Variants in MYH15 observed in about 807,000 individuals in gnomAD.
MYH15 encodes myosin-15.
A neutral mutation model predicts 240.5 loss-of-function variants in MYH15; 227 were observed. That is an observed-to-expected ratio of 0.94 (90% CI 0.85 to 1.05). The LOEUF (loss-of-function observed/expected upper bound fraction) is 1.05, where lower values mean the gene tolerates loss of function less well. Among genes scored for constraint, MYH15 ranks in the 50% least tolerant of loss-of-function variants. The pLI, the probability that MYH15 is intolerant of heterozygous loss-of-function variation, is 0.00. For synonymous variants in MYH15, 785 were observed against 796.7 expected (o/e 0.99, Z 0.25); for missense variants, 2,217 against 2,247.5 (o/e 0.99, Z 0.27).
chr3:108,380,716 C>T lies in MYH15; in HGVS notation c.*829G>A, dbSNP rs576566119. 2.0e-5 allele frequency: 3 copies of T among 152,408 alleles called. No individual in the cohort carries two copies. The highest frequency in any genetic ancestry group is 2.9e-5 in the Non-Finnish European group (2 of 68,142). 9.4% of individuals were successfully genotyped at this position (152,408 alleles called of 1,614,324 possible). ...CTGTCTCTGGTCTCTTCTAGCTCCCCTTTTTGGCCTGGAGTCATATTTTCA... is the reference window on the plus strand; with the variant it reads ...CTGTCTCTGGTCTCTTCTAGCTCCCTTTTTTGGCCTGGAGTCATATTTTCA... On this transcript the variant is annotated 3_prime_UTR_variant, in exon 41 of 41. Coordinates refer to ENST00000693548, the MANE Select transcript of MYH15 (RefSeq NM_014981.3).
intron 1 of MYH15, chr3:108,529,174 A>G (rs1427030667): frequency 4.8e-6 from 6 of 1,255,680 alleles, no homozygotes; most frequent in African/African-American, 1.5e-5. Flanking sequence ...GCTGATTAAG[A>G]CCATCAAGAA....
At chr3:108,513,168 A>G (rs2083533892), upstream of MYH15, among the ~76,000 whole-genome samples, 1 of 152,186 alleles carries the variant, frequency 6.6e-6, no homozygotes, top group Non-Finnish European at 1.5e-5. Context: ...CAGCAAAAGA[A>G]TCAGGAAGCT....
intron 37 of MYH15, 98 bp downstream of exon 37, chr3:108,391,662 G>C (rs1029212295): frequency 1.6e-6 from 2 of 1,243,448 alleles, no homozygotes; most frequent in Non-Finnish European, 2.3e-6. Context: ...AAGTGATAAA[G>C]GGTATGTGTG....
At chr3:108,545,058 T>C in the MYH15 span, among the ~76,000 whole-genome samples, 1 of 152,236 alleles carries the variant, frequency 6.6e-6, no homozygotes, top group East Asian at 1.9e-4. Context: ...ACAATGAATT[T>C]TGTAGGTACA....
At position 108,384,749 on chromosome 3, in the gene MYH15, G is replaced by A; in HGVS notation, c.5569C>T (p.Gln1857Ter). ...AGCTGAAGTTTATCCATCTGAGTTT[G>A]CATCCTGCTCAGATTCTTCTTGTCT... ...EEDKKNLSRM[Q>*]TQMDKLQLKV... The change falls in exon 39 of 41, where the codon CAA becomes TAA. Residue 1857 changes from glutamine (Q) to a stop codon, truncating the protein, a stop_gained. Coordinates refer to ENST00000693548, the MANE Select transcript of MYH15 (RefSeq NM_014981.3). LOFTEE classifies it high-confidence loss of function. 1 of 1,613,750 alleles carries A rather than the reference G, an allele frequency of 6.2e-7. No homozygotes were observed. Among genetic ancestry groups the A allele is most frequent in the African/African-American group, 1.3e-5 (1 of 75,002 alleles).
chr3:108,450,460 G>A (rs2082962858), intron 21 of MYH15, among the ~76,000 whole-genome samples: 1 of 152,114 alleles, frequency 6.6e-6, no homozygotes, highest in African/African-American at 2.4e-5. Context: ...GACAAATACA[G>A]CATAATCTCA....
chr3:108,457,927 A>G (rs146705906), intron 18 of MYH15, among the ~76,000 whole-genome samples: 2,314 of 152,232 alleles, frequency 0.015, 55 homozygotes, highest in African/African-American at 0.048. Flanking sequence ...CCAGCTACAC[A>G]GGAGGCTGAG....
intron 16 of MYH15, among the ~76,000 whole-genome samples, chr3:108,461,271 T>C (rs1277226281): frequency 6.6e-6 from 1 of 152,198 alleles, no homozygotes; most frequent in East Asian, 1.9e-4. Context: ...CCCAGGTCTC[T>C]CAGTGAAACA....
upstream of MYH15, among the ~76,000 whole-genome samples, chr3:108,514,163 G>A (rs147994076): frequency 6.6e-6 from 1 of 152,176 alleles, no homozygotes; most frequent in Non-Finnish European, 1.5e-5. Context: ...GCTGAGACAA[G>A]TCACGAGCCC....
At chr3:108,446,540 A>G (rs747304101) in intron 21 of MYH15, among the ~76,000 whole-genome samples, 1 of 152,236 alleles carries the variant, frequency 6.6e-6, no homozygotes. Flanking sequence ...AGGATCATGA[A>G]TAATCAAAAA....
At chr3:108,487,831 T>C (rs930994536) in intron 9 of MYH15, among the ~76,000 whole-genome samples, 4 of 152,212 alleles carry the variant, frequency 2.6e-5, no homozygotes, top group East Asian at 3.8e-4. Context: ...ATTTGTTTTA[T>C]AAAACTTTAA....
chr3:108,461,356 G>T (rs1366663641), intron 16 of MYH15, among the ~76,000 whole-genome samples: 1 of 152,022 alleles, frequency 6.6e-6, no homozygotes, highest in Non-Finnish European at 1.5e-5. Context: ...TTTTTAAAAA[G>T]AATTATAACC....
At chr3:108,469,058 T>C (rs1380725825) in intron 14 of MYH15, among the ~76,000 whole-genome samples, 3 of 152,210 alleles carry the variant, frequency 2.0e-5, no homozygotes, top group Non-Finnish European at 4.4e-5. Flanking sequence ...AGTTCACTTG[T>C]TATAAAATAA....
intron 25 of MYH15, among the ~76,000 whole-genome samples, chr3:108,431,654 G>C (rs893554359): frequency 6.6e-6 from 1 of 152,208 alleles, no homozygotes; most frequent in Admixed American, 6.5e-5. Flanking sequence ...GGTACCAGTA[G>C]AGTGGGGTGC....
intron 28 of MYH15, among the ~76,000 whole-genome samples, chr3:108,419,835 T>G (rs1283271886): frequency 6.6e-6 from 1 of 151,876 alleles, no homozygotes; most frequent in African/African-American, 2.4e-5. Flanking sequence ...ATTCTCTTTT[T>G]AAAACTGTGT....
chr3:108,485,622 T>C (rs1034919535), intron 10 of MYH15, among the ~76,000 whole-genome samples: 1 of 152,148 alleles, frequency 6.6e-6, no homozygotes, highest in Admixed American at 6.5e-5. Flanking sequence ...CTGACTTTAT[T>C]CCAGAGGAGA....
intron 25 of MYH15, among the ~76,000 whole-genome samples, chr3:108,436,880 GA>G (rs1050603713): frequency 1.0e-4 from 15 of 146,912 alleles, no homozygotes; most frequent in South Asian, 4.3e-4. Flanking sequence ...ATGGTTAAAA[GA>G]AAAAAAAAAG....
In MYH15 at chr3:108,447,574, C is replaced by T. The variant is rs113660164; in HGVS notation, c.2400-2679G>A. On this transcript the variant is annotated intron_variant, in intron 21 of 40. Transcript: ENST00000693548. ...AGAGTGGTGTGATATAACCAAAGTGCTAAAAGAAAAAAAAAAAACTAAAAA... is the reference window on the plus strand; with the variant it reads ...AGAGTGGTGTGATATAACCAAAGTGTTAAAAGAAAAAAAAAAAACTAAAAA... Among the ~76,000 whole-genome samples the T allele has an allele frequency of 7.4e-3, 1,092 of 147,922 alleles. 11 individuals are homozygous for T. Among genetic ancestry groups the T allele is most frequent in the African/African-American group, 0.024 (958 of 40,540 alleles).
intron 2 of MYH15, among the ~76,000 whole-genome samples, chr3:108,504,701 C>T (rs757174290): frequency 3.4e-4 from 51 of 152,120 alleles, no homozygotes; most frequent in Middle Eastern, 3.4e-3. Context: ...AAATGGGGCC[C>T]GGCTTACACC....
Sources: gnomAD v4.1 joint callset for allele counts (sites outside exome capture counted in the v4.1 genomes callset) on GRCh38, gnomAD v4.1.1 for gene constraint, MANE v1.5 for transcripts, NCBI Gene and HGNC (gene_info 2026-07-23, HGNC 2026-07-21) for gene names.